TMEM150C: variants seen among roughly 807,000 people sequenced by gnomAD.
The protein encoded by TMEM150C is transmembrane protein 150C, also known as tentonin 3.
In TMEM150C, 10 loss-of-function variants were observed where a neutral mutation model predicts 29.9. That is an observed-to-expected ratio of 0.33 (90% CI 0.21 to 0.57). TMEM150C has a LOEUF of 0.57. Ranked by LOEUF, TMEM150C falls within the 20% of genes least tolerant of loss-of-function variation. The probability of loss-of-function intolerance (pLI) is 0.88; values close to 1 mark genes in which losing one functional copy is unlikely to be tolerated. For synonymous variants in TMEM150C, 101 were observed against 112.5 expected (o/e 0.90, Z 0.64); for missense variants, 251 against 303.6 (o/e 0.83, Z 1.29).
intron 1 of TMEM150C, among the ~76,000 whole-genome samples, chr4:82,529,871 TAA>T (rs1415448151): frequency 6.6e-6 from 1 of 151,944 alleles, no homozygotes; most frequent in Non-Finnish European, 1.5e-5. Context: ...ACCTAAAAAT[TAA>T]GAGAGAAATC....
chr4:82,555,720 G>C (rs1725714931), intron 1 of TMEM150C, among the ~76,000 whole-genome samples: 1 of 152,300 alleles, frequency 6.6e-6, no homozygotes, highest in Admixed American at 6.5e-5. Flanking sequence ...ACCAGATTGC[G>C]TGGGTTCCTA....
chr4:82,548,224 G>T (rs1725449542), intron 1 of TMEM150C, among the ~76,000 whole-genome samples: 1 of 152,062 alleles, frequency 6.6e-6, no homozygotes, highest in Non-Finnish European at 1.5e-5. Context: ...ACTAACTATT[G>T]GGTACTATGC....
At chr4:82,562,167 G>T, upstream of TMEM150C, 6 of 1,281,704 alleles carry the variant, frequency 4.7e-6, no homozygotes, top group Non-Finnish European at 6.1e-6. Context: ...AGTCACCCGG[G>T]GCAGGAGCCG....
At chr4:82,533,034 A>T (rs1479535702) in intron 1 of TMEM150C, among the ~76,000 whole-genome samples, 2 of 152,084 alleles carry the variant, frequency 1.3e-5, no homozygotes, top group Non-Finnish European at 2.9e-5. Context: ...GGCCTCAAGT[A>T]AACGTTTAAT....
At chr4:82,519,740 T>C (rs1044531846) in intron 1 of TMEM150C, among the ~76,000 whole-genome samples, 1 of 152,186 alleles carries the variant, frequency 6.6e-6, no homozygotes, top group Non-Finnish European at 1.5e-5. Flanking sequence ...ATGTTTTTTC[T>C]ATACATACAT....
At chr4:82,486,151 G>A (rs1723151642) in intron 7 of TMEM150C, among the ~76,000 whole-genome samples, 1 of 151,756 alleles carries the variant, frequency 6.6e-6, no homozygotes, top group African/African-American at 2.4e-5. Flanking sequence ...TAACTCCTGC[G>A]CCATGTATTC....
chr4:82,502,701 T>A (rs376240849), intron 5 of TMEM150C, 26 bp downstream of exon 5: 1 of 1,594,300 alleles, frequency 6.3e-7, no homozygotes, highest in African/African-American at 1.3e-5. Flanking sequence ...CCAAAGCACA[T>A]AAAGCGTTCT....
intron 6 of TMEM150C, chr4:82,494,652 A>G (rs1394548479): frequency 5.9e-6 from 1 of 170,602 alleles, no homozygotes. Context: ...TGCTTTTCTC[A>G]GTAGCCACAC....
chr4:82,499,446 G>T (rs1723657204), intron 5 of TMEM150C, among the ~76,000 whole-genome samples: 1 of 152,084 alleles, frequency 6.6e-6, no homozygotes, highest in Non-Finnish European at 1.5e-5. Context: ...TAGAGGCCGG[G>T]CGCGGTGGCT....
At chr4:82,488,156 T>C (rs1252067849) in intron 7 of TMEM150C, among the ~76,000 whole-genome samples, 2 of 152,210 alleles carry the variant, frequency 1.3e-5, no homozygotes, top group Non-Finnish European at 2.9e-5. Flanking sequence ...TCCTCACAGC[T>C]TAGCTCCCAC....
rs1260009799 is a variant in TMEM150C at position 82,484,764 on chromosome 4, A to T, written c.*747T>A. On this transcript the variant is annotated 3_prime_UTR_variant, in exon 8 of 8. Coordinates refer to ENST00000449862, the MANE Select transcript of TMEM150C (RefSeq NM_001080506.3). The stretch of plus-strand genomic sequence containing the variant: ...AAAACATTGTACATGGCATACTATG[A>T]AAGCAAACACTAAACCATACCTTCA... 1 of 152,262 alleles carries T rather than the reference A, an allele frequency of 6.6e-6. No individual in the cohort carries two copies. Among genetic ancestry groups the T allele is most frequent in the Non-Finnish European group, 1.5e-5 (1 of 68,074 alleles). The allele number at this position is 152,262 out of a possible 1,614,324, so 9.4% of individuals were successfully genotyped here.
At chr4:82,527,924 C>T (rs895931083) in intron 1 of TMEM150C, among the ~76,000 whole-genome samples, 3 of 148,830 alleles carry the variant, frequency 2.0e-5, no homozygotes, top group Admixed American at 2.0e-4. Context: ...AAGTCAGGTT[C>T]AAGCAAAGAA....
chr4:82,561,923 G>A lies in TMEM150C; in HGVS notation c.-28C>T. On this transcript the variant is annotated 5_prime_UTR_variant, in exon 1 of 8. Transcript: ENST00000449862. The stretch of plus-strand genomic sequence containing the variant: ...GCGCCTACCTGCTCTGGTGCGGCGG[G>A]GCCGCTGTCGCCTCGAGGGGCTGTG... The A allele has an allele frequency of 9.7e-6, 10 of 1,033,902 alleles. No homozygotes were observed. The highest frequency in any genetic ancestry group is 1.2e-5 in the Non-Finnish European group (10 of 858,560). 64.0% of individuals were successfully genotyped at this position (1,033,902 alleles called of 1,614,324 possible).
chr4:82,493,342 A>G (rs2110064330), intron 6 of TMEM150C, among the ~76,000 whole-genome samples: 1 of 152,198 alleles, frequency 6.6e-6, no homozygotes, highest in East Asian at 1.9e-4. Context: ...TCCATGCTAT[A>G]TAAATCTATT....
rs1351723703 is a variant in TMEM150C at position 82,483,580 on chromosome 4, C to A, written c.*1931G>T. ...CTGTCTCACATGAAACAGCCATCTT[C>A]CATGCTCTCTCACTCATCTTTGAGT... On this transcript the variant is annotated 3_prime_UTR_variant, in exon 8 of 8. Coordinates refer to ENST00000449862, the MANE Select transcript of TMEM150C (RefSeq NM_001080506.3). 1 of 152,132 alleles carries A rather than the reference C, an allele frequency of 6.6e-6. No individual in the cohort carries two copies. The highest frequency in any genetic ancestry group is 2.4e-5 in the African/African-American group (1 of 41,440). 9.4% of individuals were successfully genotyped at this position (152,132 alleles called of 1,614,324 possible).
At chr4:82,495,419 C>T (rs1057216126) in intron 6 of TMEM150C, 10 of 286,818 alleles carry the variant, frequency 3.5e-5, no homozygotes, top group Middle Eastern at 1.2e-3. Flanking sequence ...AAAACCTGGG[C>T]GACAGAGCGA....
chr4:82,536,684 C>A (rs1187416593), intron 1 of TMEM150C, among the ~76,000 whole-genome samples: 1 of 151,634 alleles, frequency 6.6e-6, no homozygotes, highest in African/African-American at 2.4e-5. Context: ...GGAGACCAGC[C>A]TGAGCAATAT....
At chr4:82,551,653 T>C (rs1235545165) in intron 1 of TMEM150C, among the ~76,000 whole-genome samples, 3 of 152,168 alleles carry the variant, frequency 2.0e-5, no homozygotes, top group African/African-American at 7.2e-5. Context: ...AGACTCAGCT[T>C]GGGTGTCACC....
Position 82,485,396 on chromosome 4 carries a change from A to ATGTGTGTGTGTG in TMEM150C, c.*103_*114dup, listed in dbSNP as rs3832273. 12 of 694,588 alleles carry ATGTGTGTGTGTG rather than the reference A, an allele frequency of 1.7e-5. No homozygotes were observed. The highest frequency in any genetic ancestry group is 2.2e-5 in the Non-Finnish European group (9 of 418,296). 43.0% of individuals were successfully genotyped at this position (694,588 alleles called of 1,614,324 possible). On this transcript the variant is annotated 3_prime_UTR_variant, in exon 8 of 8. Coordinates refer to ENST00000449862, the MANE Select transcript of TMEM150C (RefSeq NM_001080506.3). ...GCTCATTTGGCAAATGTGGCCATGA[A>ATGTGTGTGTGTG]TGTGTGTGTGTGTGTGTGTGTGAAA...
Sources: gnomAD v4.1 joint callset for allele counts (sites outside exome capture counted in the v4.1 genomes callset) on GRCh38, gnomAD v4.1.1 for gene constraint, MANE v1.5 for transcripts, NCBI Gene and HGNC (gene_info 2026-07-23, HGNC 2026-07-21) for gene names.